The following PRIM2 variants were observed in gnomAD, a reference collection of about 807,000 sequenced individuals.
PRIM2 encodes the protein DNA primase subunit 2.
Under a neutral mutation model 67.3 loss-of-function variants are expected in PRIM2, and 39 were observed. The ratio of observed to expected loss-of-function variants is 0.58; its 90% CI spans 0.45 to 0.76. The LOEUF (loss-of-function observed/expected upper bound fraction) is 0.76, where lower values mean the gene tolerates loss of function less well. Ranked by LOEUF, PRIM2 falls within the 30% of genes least tolerant of loss-of-function variation. The pLI is 0.00. For synonymous variants in PRIM2, 143 were observed against 198.7 expected (o/e 0.72, Z 2.36); for missense variants, 398 against 598.7 (o/e 0.66, Z 3.50).
rs564953156 is a variant in PRIM2 at position 57,363,235 on chromosome 6, A to G, written c.460-16666A>G. The stretch of plus-strand genomic sequence containing the variant: ...TGAGAGTGTGTAGAGGGGAGACCCA[A>G]GAAAACATAGAAATGGTCCATCACC... On this transcript the variant is annotated intron_variant, in intron 5 of 13. Transcript: ENST00000615550. Among the ~76,000 whole-genome samples, 199 of 152,290 alleles carry G rather than the reference A, an allele frequency of 1.3e-3. 3 individuals carry two copies. Among genetic ancestry groups the G allele is most frequent in the Non-Finnish European group, 1.9e-4 (13 of 68,006 alleles).
chr6:57,390,873 A>G lies in PRIM2; in HGVS notation c.693+8705A>G, dbSNP rs371457629. Among the ~76,000 whole-genome samples, 1,422 of 152,296 alleles carry G rather than the reference A, an allele frequency of 9.3e-3. 25 individuals carry two copies. Among genetic ancestry groups the G allele is most frequent in the African/African-American group, 0.032 (1,350 of 41,566 alleles). ...GGTGTACATATGTCTTGATGGTAGA[A>G]TGATTTATATTCCTCTGGGTATATA... On this transcript the variant is annotated intron_variant, in intron 7 of 13. Transcript: ENST00000615550.
chr6:57,588,396 T>C (rs1190580241), intron 10 of PRIM2, among the ~76,000 whole-genome samples: 2 of 149,476 alleles, frequency 1.3e-5, no homozygotes, highest in African/African-American at 4.9e-5. Flanking sequence ...GTTGTCCTGG[T>C]ATCGATGAGA....
intron 3 of PRIM2, among the ~76,000 whole-genome samples, chr6:57,322,299 G>A (rs1049479294): frequency 6.6e-6 from 1 of 152,094 alleles, no homozygotes; most frequent in Non-Finnish European, 1.5e-5. Flanking sequence ...ATAAGTCAGG[G>A]TCTTTAAGAG....
the PRIM2 span, among the ~76,000 whole-genome samples, chr6:57,258,051 T>G: frequency 6.6e-6 from 1 of 152,208 alleles, no homozygotes; most frequent in Non-Finnish European, 1.5e-5. Context: ...ACTGTTTTCC[T>G]TTTTCTCTTC....
intron 7 of PRIM2, among the ~76,000 whole-genome samples, chr6:57,438,355 TATGAA>T (rs1217813938): frequency 2.6e-5 from 4 of 152,176 alleles, no homozygotes; most frequent in Non-Finnish European, 1.5e-5. Flanking sequence ...GAGGGACTGT[TATGAA>T]AGGAAATGAA....
intron 13 of PRIM2, among the ~76,000 whole-genome samples, chr6:57,640,036 C>T (rs1158359351): frequency 2.4e-4 from 36 of 152,238 alleles, no homozygotes; most frequent in African/African-American, 7.5e-4. Flanking sequence ...GCTTATCTAC[C>T]ATGATCAAGT....
At chr6:57,222,226 C>G in the PRIM2 span, 1 of 152,492 alleles carries the variant, frequency 6.6e-6, no homozygotes, top group East Asian at 1.9e-4. Flanking sequence ...GATTGAGTGG[C>G]TCAGCAGCAG....
intron 7 of PRIM2, among the ~76,000 whole-genome samples, chr6:57,499,146 C>T (rs1171239336): frequency 6.6e-6 from 1 of 152,190 alleles, no homozygotes; most frequent in Non-Finnish European, 1.5e-5. Flanking sequence ...ACTGGTTATG[C>T]TTTCTAACTA....
At chr6:57,492,404 A>G (rs1773916133) in intron 7 of PRIM2, among the ~76,000 whole-genome samples, 1 of 151,842 alleles carries the variant, frequency 6.6e-6, no homozygotes, top group Non-Finnish European at 1.5e-5. Flanking sequence ...TTAGCAGGGC[A>G]TGGTGGTGGG....
Position 57,379,867 on chromosome 6 carries a change from A to G in PRIM2, c.460-34A>G, listed in dbSNP as rs115079098. On this transcript the variant is annotated intron_variant, in intron 5 of 13. Transcript: ENST00000615550. Reference sequence around the variant, plus strand: ...TTATTGAAACTGAATGAGGACTTCAAATTTTTGTAACAGCTTAAAATATGT... The same window carrying G: ...TTATTGAAACTGAATGAGGACTTCAGATTTTTGTAACAGCTTAAAATATGT... The G allele has an allele frequency of 6.6e-4, 1,007 of 1,523,308 alleles. 9 individuals carry two copies. In the African/African-American group the frequency reaches 0.013, roughly 19 times the overall value. The allele number at this position is 1,523,308 out of a possible 1,614,324, so 94.4% of individuals were successfully genotyped here. A position where few individuals can be genotyped will look rare whatever the true frequency, so the allele number is the denominator to read the frequency against.
At chr6:57,330,068 TA>T (rs1298384055) in intron 5 of PRIM2, among the ~76,000 whole-genome samples, 1 of 152,206 alleles carries the variant, frequency 6.6e-6, no homozygotes, top group Non-Finnish European at 1.5e-5. Context: ...ACACTGGGAT[TA>T]CATTGAATCT....
At chr6:57,530,302 G>A (rs1352971902) in intron 8 of PRIM2, among the ~76,000 whole-genome samples, 1 of 152,170 alleles carries the variant, frequency 6.6e-6, no homozygotes, top group Non-Finnish European at 1.5e-5. Context: ...CAAAGGAAAA[G>A]GACTTTGAGT....
At chr6:57,507,053 GT>G in intron 7 of PRIM2, among the ~76,000 whole-genome samples, 1 of 152,056 alleles carries the variant, frequency 6.6e-6, no homozygotes, top group Non-Finnish European at 1.5e-5. Flanking sequence ...ACATTTAGAA[GT>G]TTTTCCATTT....
chr6:57,483,080 G>C (rs1355371433), intron 7 of PRIM2, among the ~76,000 whole-genome samples: 1 of 151,988 alleles, frequency 6.6e-6, no homozygotes, highest in Non-Finnish European at 1.5e-5. Flanking sequence ...GCTAATTTTT[G>C]TATTTTTATT....
intron 7 of PRIM2, among the ~76,000 whole-genome samples, chr6:57,466,321 C>G (rs1773189470): frequency 6.6e-6 from 1 of 152,132 alleles, no homozygotes; most frequent in Admixed American, 6.5e-5. Flanking sequence ...ATTTATAATC[C>G]TTTGGGTATA....
intron 5 of PRIM2, among the ~76,000 whole-genome samples, chr6:57,376,252 G>A (rs1158651158): frequency 1.2e-4 from 18 of 152,058 alleles, no homozygotes; most frequent in African/African-American, 4.3e-4. Context: ...GGCCTCAAGC[G>A]ATCCAACCAC....
intron 5 of PRIM2, among the ~76,000 whole-genome samples, chr6:57,357,186 C>T (rs1769057633): frequency 6.6e-6 from 1 of 152,156 alleles, no homozygotes; most frequent in East Asian, 1.9e-4. Context: ...CCCACATTGG[C>T]CTCCCAAAGT....
chr6:57,325,201 T>C (rs564957833), intron 4 of PRIM2, among the ~76,000 whole-genome samples: 2 of 152,256 alleles, frequency 1.3e-5, no homozygotes, highest in South Asian at 4.1e-4. Context: ...CAAAGTTGCC[T>C]TAAAAAATTT....
At position 57,410,192 on chromosome 6, in the gene PRIM2, C is replaced by T. The variant is rs12181300; in HGVS notation, c.693+28024C>T. Reference sequence around the variant, plus strand: ...ACAAAAAATTAACCGGCTGTGGTGGCGGGTACCTGTAATCCCAGCTACTCA... The same window carrying T: ...ACAAAAAATTAACCGGCTGTGGTGGTGGGTACCTGTAATCCCAGCTACTCA... On this transcript the variant is annotated intron_variant, in intron 7 of 13. Coordinates refer to ENST00000615550, the MANE Select transcript of PRIM2 (RefSeq NM_000947.5). Among the ~76,000 whole-genome samples the T allele has an allele frequency of 4.0e-5, 6 of 151,846 alleles. No individual in the cohort carries two copies. In the South Asian group the frequency reaches 6.3e-4, roughly 16 times the overall value.
Sources: allele counts gnomAD v4.1 joint callset (sites outside exome capture counted in the v4.1 genomes callset), GRCh38; gene constraint gnomAD v4.1.1; transcripts MANE v1.5; gene names NCBI Gene and HGNC (gene_info 2026-07-23, HGNC 2026-07-21).